NAV3: variants seen among roughly 807,000 people sequenced by gnomAD.
NAV3 encodes the protein neuron navigator 3.
A neutral mutation model predicts 244.7 loss-of-function variants in NAV3; 87 were observed. The observed-to-expected ratio is 0.36, with a 90% confidence interval of 0.30 to 0.42. The LOEUF is 0.42. NAV3 is among the 20% of genes least tolerant of loss of function. The probability of loss-of-function intolerance (pLI) is 1.00; values close to 1 mark genes in which losing one functional copy is unlikely to be tolerated. For missense variants in NAV3, 2,663 were observed against 2,893.3 expected (o/e 0.92, Z 1.83); for synonymous variants, 1,126 against 1,042.2 (o/e 1.08, Z -1.55).
chr12:77,822,415 G>T (rs949761762), intron 2 of NAV3, among the ~76,000 whole-genome samples: 3 of 152,076 alleles, frequency 2.0e-5, no homozygotes, highest in African/African-American at 7.2e-5. Flanking sequence ...TTGGCATATT[G>T]CCCCTTGTGC....
At chr12:77,631,385 G>T (rs1448563970) in intron 2 of NAV3, among the ~76,000 whole-genome samples, 1 of 150,966 alleles carries the variant, frequency 6.6e-6, no homozygotes, top group Non-Finnish European at 1.5e-5. Context: ...AAGAAACAAA[G>T]ACCATTTTAT....
intron 2 of NAV3, among the ~76,000 whole-genome samples, chr12:77,655,220 C>T (rs1266742856): frequency 1.3e-5 from 2 of 151,940 alleles, no homozygotes; most frequent in African/African-American, 2.4e-5. Flanking sequence ...AAAATTTAGA[C>T]GAATGTATAA....
intron 1 of NAV3, among the ~76,000 whole-genome samples, chr12:77,903,909 G>A (rs1294525133): frequency 6.6e-6 from 1 of 152,078 alleles, no homozygotes; most frequent in Non-Finnish European, 1.5e-5. Context: ...CATCATCACT[G>A]GCCATCAGAG....
At chr12:77,937,039 A>C (rs560250895) in intron 1 of NAV3, among the ~76,000 whole-genome samples, 1 of 152,276 alleles carries the variant, frequency 6.6e-6, no homozygotes, top group Non-Finnish European at 1.5e-5. Flanking sequence ...TTTGGAAGGC[A>C]CTGGTTTTCC....
intron 1 of NAV3, among the ~76,000 whole-genome samples, chr12:77,871,499 C>T (rs1332416710): frequency 6.6e-6 from 1 of 152,152 alleles, no homozygotes; most frequent in Non-Finnish European, 1.5e-5. Flanking sequence ...CATTTGTTCT[C>T]ATTGTTCAAC....
intron 2 of NAV3, among the ~76,000 whole-genome samples, chr12:77,651,219 C>A (rs1872807972): frequency 6.6e-6 from 1 of 152,056 alleles, no homozygotes; most frequent in Non-Finnish European, 1.5e-5. Context: ...TTCATCAATT[C>A]CTTAGAAAAT....
chr12:78,046,270 A>T (rs1444779712), intron 9 of NAV3, among the ~76,000 whole-genome samples: 1 of 152,012 alleles, frequency 6.6e-6, no homozygotes, highest in Non-Finnish European at 1.5e-5. Flanking sequence ...GCCTTCTGCT[A>T]GCTTTTGAAT....
chr12:77,806,413 TTTG>T (rs1207495323), intron 2 of NAV3, among the ~76,000 whole-genome samples: 1 of 152,170 alleles, frequency 6.6e-6, no homozygotes, highest in African/African-American at 2.4e-5. Context: ...CTGCCTTCAT[TTTG>T]TTATTTACCC....
rs756199863 is a variant in NAV3, at chr12:78,205,076, T to A, written c.6976T>A (p.Ser2326Thr). Residue 2326 changes from serine (S) to threonine (T), a missense_variant, in exon 39 of 40, where the codon TCC (serine) becomes ACC (threonine). Around this residue, in one of 6 missense-constraint regions of NAV3, gnomAD observed 543 missense variants for 672.4 expected, o/e 0.81. Coordinates refer to ENST00000397909, the MANE Select transcript of NAV3 (RefSeq NM_001024383.2). ...AGATGTTGGGTATGAAAGCTGCACATCCACTAAGGAAGCCACAACCTCAAA... is the reference window on the plus strand; with the variant it reads ...AGATGTTGGGTATGAAAGCTGCACAACCACTAAGGAAGCCACAACCTCAAA... ...PEDVGYESCT[S>T]TKEATTSKHI... 1 of 1,613,314 alleles carries A rather than the reference T, an allele frequency of 6.2e-7. No homozygotes were observed. The highest frequency in any genetic ancestry group is 8.5e-7 in the Non-Finnish European group (1 of 1,179,746).
chr12:77,803,207 T>G (rs1183018771), intron 2 of NAV3, among the ~76,000 whole-genome samples: 1 of 152,030 alleles, frequency 6.6e-6, no homozygotes, highest in Admixed American at 6.6e-5. Context: ...TCATCTACAT[T>G]AGGTATTTCT....
At chr12:77,631,564 G>A (rs1231531109) in intron 2 of NAV3, among the ~76,000 whole-genome samples, 1 of 151,780 alleles carries the variant, frequency 6.6e-6, no homozygotes, top group Non-Finnish European at 1.5e-5. Context: ...TTTGGAGTCA[G>A]AGATCCAAGT....
chr12:78,184,203 T>C (rs1178002401), intron 30 of NAV3, among the ~76,000 whole-genome samples: 7 of 151,930 alleles, frequency 4.6e-5, no homozygotes, highest in African/African-American at 1.4e-4. Context: ...ATTCCCAATA[T>C]GCAGCAAAAT....
rs187717843 is a variant in NAV3 at position 77,653,939 on chromosome 12, C to G, written c.72+81673C>G. Among the ~76,000 whole-genome samples, 205 of 137,674 alleles carry G rather than the reference C, an allele frequency of 1.5e-3. 1 individual carries two copies. Among genetic ancestry groups the G allele is most frequent in the Middle Eastern group, 4.2e-3 (1 of 238 alleles). The allele number at this position is 137,674 out of a possible 152,430, so 90.3% of individuals were successfully genotyped here. On this transcript the variant is annotated intron_variant, in intron 2 of 8. Coordinates refer to the NAV3 transcript ENST00000550042. ...ACCAAGAAAAAGCATGCAGATACCC[C>G]CTGAAGTAAAGAATATGAGATAGTT...
chr12:78,052,302 A>G (rs1882872180), intron 11 of NAV3: 1 of 152,218 alleles, frequency 6.6e-6, no homozygotes, highest in Non-Finnish European at 1.5e-5. Flanking sequence ...CATTCCTGGT[A>G]TCCACCCTAC....
At chr12:77,837,690 G>T (rs185014483) in intron 1 of NAV3, among the ~76,000 whole-genome samples, 1 of 152,092 alleles carries the variant, frequency 6.6e-6, no homozygotes, top group Non-Finnish European at 1.5e-5. Context: ...CTTCTTTCGG[G>T]GTTAGGGAAA....
At chr12:78,164,956 C>G (rs1314414782) in intron 23 of NAV3, among the ~76,000 whole-genome samples, 1 of 152,018 alleles carries the variant, frequency 6.6e-6, no homozygotes, top group African/African-American at 2.4e-5. Context: ...AGTTAAGAAA[C>G]TGGGTTGGAA....
rs1430855951 is a variant in NAV3 at position 77,801,188 on chromosome 12, T to C, written c.73-139131T>C. ...TGGTGAGGGTTCAATGAAATAAATA[T>C]AGGACAGCAACCTGGCAGAGTGGGT... On this transcript the variant is annotated intron_variant, in intron 2 of 8. Transcript: ENST00000550042. Among the ~76,000 whole-genome samples, 4 of 152,246 alleles carry C rather than the reference T, an allele frequency of 2.6e-5. No individual in the cohort carries two copies. In the East Asian group the frequency reaches 5.8e-4, roughly 22 times the overall value.
At chr12:77,691,120 G>C (rs535776287) in intron 2 of NAV3, among the ~76,000 whole-genome samples, 1 of 150,040 alleles carries the variant, frequency 6.7e-6, no homozygotes, top group South Asian at 2.1e-4. Flanking sequence ...TACAAGAGGA[G>C]GTAACTACGA....
Position 78,071,547 on chromosome 12 carries a change from T to C in NAV3, c.2636+12432T>C, listed in dbSNP as rs373945992. Among the ~76,000 whole-genome samples the C allele has an allele frequency of 1.4e-4, 21 of 152,184 alleles. No homozygotes were observed. The East Asian group carries it at 1.5e-3, about 11-fold the overall frequency. On this transcript the variant is annotated intron_variant, in intron 12 of 39. Transcript: ENST00000397909. ...GTAGTTTCTTTTGCTGTGCAGAAGC[T>C]CTTTAGTTTAATTAGATCCCATTTG...
Sources: allele counts gnomAD v4.1 joint callset (sites outside exome capture counted in the v4.1 genomes callset), GRCh38; gene constraint gnomAD v4.1.1; regional missense constraint gnomAD v4.1.1; transcripts MANE v1.5; gene names NCBI Gene and HGNC (gene_info 2026-07-23, HGNC 2026-07-21).